Variants in GPHN observed in about 807,000 individuals in gnomAD.
The protein encoded by GPHN is gephyrin.
A neutral mutation model predicts 95.5 loss-of-function variants in GPHN; 17 were observed. The ratio of observed to expected loss-of-function variants is 0.18; its 90% CI spans 0.12 to 0.27. The LOEUF (loss-of-function observed/expected upper bound fraction) is 0.27. Ranked by LOEUF, GPHN falls within the 10% of genes least tolerant of loss-of-function variation. The pLI is 1.00. For missense variants in GPHN, 660 were observed against 978.1 expected (o/e 0.67, Z 4.34); for synonymous variants, 320 against 322.5 (o/e 0.99, Z 0.08).
the GPHN span, among the ~76,000 whole-genome samples, chr14:67,490,291 C>G: frequency 6.6e-6 from 1 of 152,148 alleles, no homozygotes; most frequent in Non-Finnish European, 1.5e-5. Context: ...TCTCCCATCT[C>G]CAGGAGCCAT....
At position 66,901,568 on chromosome 14, in the gene GPHN, G is replaced by T. The variant is rs189974027; in HGVS notation, c.390-14435G>T. On this transcript the variant is annotated intron_variant, in intron 5 of 22. Coordinates refer to ENST00000478722, the MANE Select transcript of GPHN (RefSeq NM_020806.5). ...TTTTTGTGTATGGTAAAATATAGGG[G>T]TCTAATTTCATACCTCTGCAAGTGG... is the stretch of plus-strand genomic sequence containing the variant. 1.3e-3 allele frequency among the ~76,000 whole-genome samples: 204 copies of T among 152,000 alleles called. 2 individuals are homozygous for T. Among genetic ancestry groups the T allele is most frequent in the Non-Finnish European group, 1.2e-3 (83 of 67,884 alleles).
chr14:66,551,972 C>T (rs184261503), intron 1 of GPHN, among the ~76,000 whole-genome samples: 5 of 152,240 alleles, frequency 3.3e-5, no homozygotes, highest in Admixed American at 3.3e-4. Context: ...GTATCAGCAC[C>T]CCTTCATGCC....
the GPHN span, among the ~76,000 whole-genome samples, chr14:67,235,695 A>G: frequency 1.3e-5 from 2 of 152,120 alleles, no homozygotes; most frequent in Non-Finnish European, 2.9e-5. Flanking sequence ...AGCCTGGGTG[A>G]CAGAGTGAGA....
Position 66,921,224 on chromosome 14 carries a change from G to A in GPHN, c.457-1442G>A, listed in dbSNP as rs531817433. Among the ~76,000 whole-genome samples the A allele has an allele frequency of 5.3e-5, 8 of 152,278 alleles. No individual in the cohort carries two copies. The South Asian group carries it at 6.2e-4, about 12-fold the overall frequency. ...TTACATTCCCACCAGCAGTGTAGAA[G>A]TGTTCCCTGTTTACCGCATCCATGC... On this transcript the variant is annotated intron_variant, in intron 6 of 22. Coordinates refer to ENST00000478722, the MANE Select transcript of GPHN (RefSeq NM_020806.5).
intron 1 of GPHN, among the ~76,000 whole-genome samples, chr14:66,594,634 A>T (rs994134571): frequency 6.6e-6 from 1 of 152,012 alleles, no homozygotes; most frequent in African/African-American, 2.4e-5. Flanking sequence ...ATAATATTAG[A>T]CTCCCATCTC....
At chr14:67,292,503 T>A in the GPHN span, 60 of 1,581,542 alleles carry the variant, frequency 3.8e-5, no homozygotes, top group Non-Finnish European at 4.9e-5. Flanking sequence ...CTTTTCTTCT[T>A]CTACTAGAAA....
the GPHN span, among the ~76,000 whole-genome samples, chr14:67,501,505 C>T: frequency 1.3e-5 from 2 of 152,136 alleles, no homozygotes; most frequent in African/African-American, 2.4e-5. Flanking sequence ...GCTGGGATTA[C>T]AGGCATGAAC....
At chr14:66,819,743 T>TA (rs1010941901) in intron 3 of GPHN, among the ~76,000 whole-genome samples, 40 of 152,148 alleles carry the variant, frequency 2.6e-4, no homozygotes, top group Middle Eastern at 3.4e-3. Flanking sequence ...AAAAAGGCAG[T>TA]AAAAAAATAA....
chr14:67,252,319 T>G, the GPHN span, among the ~76,000 whole-genome samples: 1 of 147,852 alleles, frequency 6.8e-6, no homozygotes, highest in African/African-American at 2.7e-5. Context: ...ACCTAGCTAA[T>G]TTTATTTTTA....
At chr14:67,032,624 T>C (rs1034343885) in intron 10 of GPHN, among the ~76,000 whole-genome samples, 10 of 152,196 alleles carry the variant, frequency 6.6e-5, no homozygotes, top group Admixed American at 6.5e-4. Flanking sequence ...CAGACACCAT[T>C]GAGAGCAAGA....
At chr14:66,982,685 TATATAAGTAAACTAGTAA>T (rs2070755795) in intron 9 of GPHN, among the ~76,000 whole-genome samples, 1 of 152,202 alleles carries the variant, frequency 6.6e-6, no homozygotes, top group South Asian at 2.1e-4. Context: ...ATTATCAATA[TATATAAGTAAACTAGTAA>T]TCTCAATTTA....
At chr14:66,843,407 T>G (rs2062177233) in intron 4 of GPHN, among the ~76,000 whole-genome samples, 1 of 152,194 alleles carries the variant, frequency 6.6e-6, no homozygotes, top group Non-Finnish European at 1.5e-5. Flanking sequence ...GCATTTCTGC[T>G]ATCATCTACA....
chr14:67,332,195 AG>A, the GPHN span, among the ~76,000 whole-genome samples: 1 of 152,180 alleles, frequency 6.6e-6, no homozygotes, highest in African/African-American at 2.4e-5. Context: ...GTTCAGGATA[AG>A]TTTTGCACAT....
the GPHN span, chr14:67,241,994 CT>C: frequency 2.6e-5 from 4 of 152,228 alleles, no homozygotes; most frequent in Non-Finnish European, 5.9e-5. Context: ...TGGTATTCTG[CT>C]GCTCATTGCG....
At chr14:66,671,339 T>C (rs1306619153) in intron 1 of GPHN, among the ~76,000 whole-genome samples, 1 of 152,200 alleles carries the variant, frequency 6.6e-6, no homozygotes, top group Admixed American at 6.5e-5. Flanking sequence ...GAAATTTCCT[T>C]TCAGTTTGCA....
At chr14:67,610,189 A>C in the GPHN span, among the ~76,000 whole-genome samples, 1 of 152,108 alleles carries the variant, frequency 6.6e-6, no homozygotes, top group Non-Finnish European at 1.5e-5. Context: ...CTGAGAAACC[A>C]CCTTTGCAGA....
the GPHN span, among the ~76,000 whole-genome samples, chr14:67,707,743 A>T: frequency 1.3e-5 from 2 of 152,246 alleles, no homozygotes; most frequent in Non-Finnish European, 2.9e-5. Flanking sequence ...AGCTGAGCCC[A>T]GCCGTGGATT....
intron 19 of GPHN, among the ~76,000 whole-genome samples, chr14:67,159,780 A>G (rs752164078): frequency 1.3e-5 from 2 of 151,882 alleles, no homozygotes; most frequent in Non-Finnish European, 2.9e-5. Flanking sequence ...TTTTCCCCAA[A>G]CTGCTTCTTT....
intron 10 of GPHN, among the ~76,000 whole-genome samples, chr14:67,055,575 T>C (rs1324171938): frequency 6.6e-6 from 1 of 152,208 alleles, no homozygotes; most frequent in African/African-American, 2.4e-5. Flanking sequence ...GGAATATAAA[T>C]CATTCCTTTG....
Sources: allele counts gnomAD v4.1 joint callset (sites outside exome capture counted in the v4.1 genomes callset), GRCh38; gene constraint gnomAD v4.1.1; transcripts MANE v1.5; gene names NCBI Gene and HGNC (gene_info 2026-07-23, HGNC 2026-07-21).